Variants in EYA3 observed in about 807,000 individuals in gnomAD.
EYA3 encodes EYA transcriptional coactivator and phosphatase 3.
EYA3 carries 39 observed loss-of-function variants against 80.0 expected under a neutral mutation model. That is an observed-to-expected ratio of 0.49 (90% CI 0.38 to 0.64). EYA3 has a LOEUF of 0.64. EYA3 is among the 30% of genes least tolerant of loss of function. EYA3 has a pLI of 0.00. For missense variants in EYA3, 523 were observed against 676.1 expected (o/e 0.77, Z 2.51); for synonymous variants, 206 against 232.8 (o/e 0.88, Z 1.05).
intron 16 of EYA3, among the ~76,000 whole-genome samples, chr1:27,986,812 C>T (rs563213094): frequency 1.4e-4 from 21 of 152,218 alleles, no homozygotes; most frequent in Non-Finnish European, 2.4e-4. Context: ...AAGGGATTCT[C>T]CTGCCTCAGC....
intron 4 of EYA3, among the ~76,000 whole-genome samples, chr1:28,040,041 C>A (rs1483221698): frequency 6.6e-6 from 1 of 152,094 alleles, no homozygotes; most frequent in Non-Finnish European, 1.5e-5. Flanking sequence ...GAGACTGAGG[C>A]CAATTTTCAC....
chr1:28,015,587 CA>C lies in EYA3; in HGVS notation c.585+1566del, dbSNP rs1213976424. 4.6e-5 allele frequency among the ~76,000 whole-genome samples: 7 copies of C among 151,674 alleles called. 1 individual carries two copies. Among genetic ancestry groups the C allele is most frequent in the Admixed American group, 6.6e-5 (1 of 15,246 alleles). On this transcript the variant is annotated intron_variant, in intron 8 of 17. Coordinates refer to ENST00000373871, the MANE Select transcript of EYA3 (RefSeq NM_001990.4). ...TATTCTGAGCAGGTCAGTAACATGACAAAAAGTGGGATTTAGAAAAAATTAA... is the reference window on the plus strand; with the variant it reads ...TATTCTGAGCAGGTCAGTAACATGACAAAAGTGGGATTTAGAAAAAATTAA...
At chr1:28,043,343 AAAAC>A (rs984339393) in intron 3 of EYA3, among the ~76,000 whole-genome samples, 24 of 143,634 alleles carry the variant, frequency 1.7e-4, no homozygotes, top group South Asian at 4.4e-4. Context: ...AAAAAAAAAA[AAAAC>A]GTGAAAACAC....
intron 5 of EYA3, 27 bp downstream of exon 5, chr1:28,038,812 C>T (rs1232579508): frequency 1.4e-6 from 2 of 1,384,426 alleles, no homozygotes; most frequent in Non-Finnish European, 2.0e-6. Flanking sequence ...AAAGCATATG[C>T]ATTTTGGAAA....
chr1:27,987,098 G>A (rs943827687), intron 16 of EYA3, among the ~76,000 whole-genome samples: 3 of 152,126 alleles, frequency 2.0e-5, no homozygotes, highest in Admixed American at 1.3e-4. Context: ...CTCTATACCC[G>A]TTGAACAATT....
intron 1 of EYA3, 92 bp from the exon 2 acceptor site, chr1:28,058,186 C>A: frequency 2.1e-6 from 1 of 479,694 alleles, no homozygotes; most frequent in East Asian, 3.2e-5. Context: ...ATCTTGCTAC[C>A]CCAAGCTTTC....
intron 6 of EYA3, chr1:28,032,257 T>C (rs1304965252): frequency 6.6e-6 from 1 of 152,242 alleles, no homozygotes; most frequent in Non-Finnish European, 1.5e-5. Flanking sequence ...TTTTTTCAAT[T>C]AATAATACAC....
rs1490216374 is a variant in EYA3 at position 28,003,300 on chromosome 1, C to T, written c.993+1036G>A. ...ACAACAACAACAACAACAACAACAA[C>T]AACAACAACAACAACAAAATTAGCC... On this transcript the variant is annotated intron_variant, in intron 11 of 17. Transcript: ENST00000373871. Among the ~76,000 whole-genome samples the T allele has an allele frequency of 6.6e-5, 10 of 151,504 alleles. No individual in the cohort carries two copies. In the Middle Eastern group the frequency reaches 0.01, roughly 156 times the overall value.
chr1:27,978,346 A>G (rs768937131), intron 17 of EYA3, 28 bp downstream of exon 17: 5 of 1,538,182 alleles, frequency 3.3e-6, no homozygotes, highest in Non-Finnish European at 4.5e-6. Flanking sequence ...GTACAACCAC[A>G]TAGACTATTT....
chr1:28,069,008 T>C (rs1644929323), intron 1 of EYA3, among the ~76,000 whole-genome samples: 1 of 152,168 alleles, frequency 6.6e-6, no homozygotes, highest in African/African-American at 2.4e-5. Context: ...GGTTTCACCA[T>C]GTTGGCCAGG....
chr1:28,076,594 C>A (rs1645211230), intron 1 of EYA3, among the ~76,000 whole-genome samples: 1 of 149,758 alleles, frequency 6.7e-6, no homozygotes, highest in East Asian at 2.0e-4. Context: ...GCCTGTAGTC[C>A]CAGGTGGAGG....
chr1:28,049,484 G>A (rs1488521357), intron 2 of EYA3, among the ~76,000 whole-genome samples: 1 of 152,122 alleles, frequency 6.6e-6, no homozygotes, highest in Non-Finnish European at 1.5e-5. Flanking sequence ...ACGAAACCTT[G>A]AGGTGGGCAA....
At chr1:28,035,511 T>G in intron 6 of EYA3, 33 bp downstream of exon 6, 1 of 1,600,174 alleles carries the variant, frequency 6.2e-7, no homozygotes, top group South Asian at 1.1e-5. Context: ...AAAATCAACA[T>G]TCTTAGAAAT....
intron 2 of EYA3, among the ~76,000 whole-genome samples, chr1:28,049,606 G>A (rs940084820): frequency 7.2e-5 from 11 of 152,066 alleles, no homozygotes; most frequent in Non-Finnish European, 1.3e-4. Context: ...ACAACCAGGA[G>A]GTTGAGGGAT....
At chr1:27,981,762 TCA>T (rs1639317826) in intron 16 of EYA3, among the ~76,000 whole-genome samples, 1 of 103,390 alleles carries the variant, frequency 9.7e-6, no homozygotes. Flanking sequence ...AGACCCTGTC[TCA>T]AAAAAAAAAA....
rs1251998448 is a variant in EYA3 at position 28,035,632 on chromosome 1, A to G, written c.273T>C (p.Pro91=). The G allele has an allele frequency of 6.2e-7, 1 of 1,614,152 alleles. No homozygotes were observed. The highest frequency in any genetic ancestry group is 1.7e-5 in the Admixed American group (1 of 60,020). The change falls in exon 6 of 18, where the codon CCT becomes CCC. Residue 91 remains proline, a synonymous_variant. Transcript: ENST00000373871. ...LSVPVSETAY[P]GQTQYQTLQQ... Reference sequence around the variant, plus strand: ...GTAGTGTCTGGTATTGAGTCTGTCCAGGGTAAGCAGTTTCCGAAACAGGAA... The same window carrying G: ...GTAGTGTCTGGTATTGAGTCTGTCCGGGGTAAGCAGTTTCCGAAACAGGAA...
chr1:28,007,771 T>A (rs950342745), intron 10 of EYA3, among the ~76,000 whole-genome samples: 4 of 152,236 alleles, frequency 2.6e-5, no homozygotes, highest in Admixed American at 1.3e-4. Flanking sequence ...AAGACATCCA[T>A]GTTCATGGAT....
At position 28,017,184 on chromosome 1, in the gene EYA3, T is replaced by C; in HGVS notation, c.555A>G (p.Pro185=). Residue 185 remains proline, a synonymous_variant, in exon 8 of 18, where the codon CCA becomes CCG. Coordinates refer to ENST00000373871, the MANE Select transcript of EYA3 (RefSeq NM_001990.4). The part of the protein sequence containing the change: ...ISTSSTIANI[P]AAAVASISNQ... Reference sequence around the variant, plus strand: ...TTGAGATGCTGGCTACTGCTGCTGCTGGAATATTGGCAATTGTAGAAGAAG... The same window carrying C: ...TTGAGATGCTGGCTACTGCTGCTGCCGGAATATTGGCAATTGTAGAAGAAG... 6.2e-7 allele frequency: 1 copy of C among 1,613,944 alleles called. No homozygotes were observed. The highest frequency in any genetic ancestry group is 8.5e-7 in the Non-Finnish European group (1 of 1,179,836).
intron 4 of EYA3, among the ~76,000 whole-genome samples, chr1:28,040,920 G>C (rs1643741324): frequency 6.6e-6 from 1 of 152,126 alleles, no homozygotes; most frequent in Non-Finnish European, 1.5e-5. Context: ...CTGACAGGAA[G>C]GATAAAAAGG....
Sources: allele counts gnomAD v4.1 joint callset (sites outside exome capture counted in the v4.1 genomes callset), GRCh38; gene constraint gnomAD v4.1.1; transcripts MANE v1.5; gene names NCBI Gene and HGNC (gene_info 2026-07-23, HGNC 2026-07-21).